IDH2: variants seen among roughly 807,000 people sequenced by gnomAD.
IDH2 encodes isocitrate dehydrogenase [NADP], mitochondrial.
Under a neutral mutation model 50.5 loss-of-function variants are expected in IDH2, and 18 were observed. That is an observed-to-expected ratio of 0.36 (90% CI 0.25 to 0.53). IDH2 has a LOEUF of 0.53. IDH2 is among the 20% of genes least tolerant of loss of function. The pLI, the probability that IDH2 is intolerant of heterozygous loss-of-function variation, is 0.92. For missense variants in IDH2, 518 were observed against 610.7 expected (o/e 0.85, Z 1.60); for synonymous variants, 280 against 239.8 (o/e 1.17, Z -1.55).
chr15:90,086,368 A>G (rs1900859014), intron 7 of IDH2, among the ~76,000 whole-genome samples: 1 of 151,992 alleles, frequency 6.6e-6, no homozygotes, highest in Admixed American at 6.6e-5. Context: ...TTCTTCTCTA[A>G]TGGTCTCACC....
At chr15:90,097,704 T>G (rs1901218437) in intron 1 of IDH2, among the ~76,000 whole-genome samples, 1 of 151,690 alleles carries the variant, frequency 6.6e-6, no homozygotes, top group Admixed American at 6.6e-5. Context: ...GGGTAGAGAG[T>G]TTCGGTTTTG....
At position 90,102,365 on chromosome 15, in the gene IDH2, C is replaced by T. The variant is rs2151558074; in HGVS notation, c.26G>A (p.Arg9His). The T allele has an allele frequency of 2.2e-6, 3 of 1,363,508 alleles. No homozygotes were observed. The highest frequency in any genetic ancestry group is 2.6e-5 in the Admixed American group (1 of 38,274). The allele number at this position is 1,363,508 out of a possible 1,614,324, so 84.5% of individuals were successfully genotyped here. ...CGAGCCTGAGGCTCTGCAGAGCGAG[C>T]GCACGACCCGCAGGTAGCCGGCCAT... Reference protein sequence around the residue: MAGYLRVVRSLCRASGSRP... With the variant: MAGYLRVVHSLCRASGSRP... The change falls in exon 1 of 11, where the codon CGC (arginine) becomes CAC (histidine). Residue 9 changes from arginine to histidine, a missense_variant. Arg to His is a conservative substitution (Grantham distance 29). Coordinates refer to ENST00000330062, the MANE Select transcript of IDH2 (RefSeq NM_002168.4).
At position 90,087,433 on chromosome 15, in the gene IDH2, C is replaced by T; in HGVS notation, c.815+6G>A. The T allele has an allele frequency of 6.2e-7, 1 of 1,614,130 alleles. No homozygotes were observed. The highest frequency in any genetic ancestry group is 1.3e-5 in the African/African-American group (1 of 75,058). On this transcript the variant is annotated splice_donor_region_variant and intron_variant, in intron 6 of 10. Transcript: ENST00000330062. ...AAGGCCACAGAGTACATGGATGAGG[C>T]TTTACTTGTCAAAGATCTCCTGGAA...
intron 1 of IDH2, among the ~76,000 whole-genome samples, chr15:90,099,328 C>T (rs1208998238): frequency 2.0e-5 from 3 of 152,182 alleles, no homozygotes; most frequent in Admixed American, 6.5e-5. Flanking sequence ...TTGGCACCTG[C>T]GAGTCCCTCT....
At chr15:90,093,526 A>G (rs1304897942) in intron 1 of IDH2, among the ~76,000 whole-genome samples, 1 of 152,234 alleles carries the variant, frequency 6.6e-6, no homozygotes, top group Admixed American at 6.5e-5. Context: ...CTTACAGTGT[A>G]CCAATGCTGT....
At chr15:90,091,670 C>T (rs751961843) in intron 1 of IDH2, 26 bp from the exon 2 acceptor site, 2 of 1,598,232 alleles carry the variant, frequency 1.3e-6, no homozygotes, top group Non-Finnish European at 1.7e-6. Flanking sequence ...CACAGCGCAT[C>T]ATGCCCCTGG....
Position 90,084,887 on chromosome 15 carries a change from C to T in IDH2, c.1200G>A (p.Lys400=), listed in dbSNP as rs754284825. ...CACTCTCCACCGTCTCCACGCACAC[C>T]TTCTCCAGCATCTGGGCAAACCTAT... is the stretch of plus-strand genomic sequence containing the variant. The part of the protein sequence containing the change: ...DLIRFAQMLE[K]VCVETVESGA... The change falls in exon 10 of 11, where the codon AAG becomes AAA. Residue 400 remains lysine, a synonymous_variant. Transcript: ENST00000330062. The surrounding 1 kb of genome is among the most constrained non-coding windows in gnomAD (Gnocchi z 5.0). The T allele has an allele frequency of 1.2e-6, 2 of 1,614,104 alleles. No individual in the cohort carries two copies. The highest frequency in any genetic ancestry group is 2.2e-5 in the South Asian group (2 of 91,086).
In IDH2 at chr15:90,087,137, A is replaced by G. The variant is rs142721369; in HGVS notation, c.942T>C (p.Asp314=). ...CCTGGGCCAGGATGTCTGACTGCAC[A>G]TCTCCGTCATAGTTCTTGCAGGCCC... ...FVWACKNYDG[D]VQSDILAQGF... is the part of the protein sequence containing the mutation. The change falls in exon 7 of 11, where the codon GAT becomes GAC. Residue 314 remains aspartate (D), a synonymous_variant. Transcript: ENST00000330062. The G allele has an allele frequency of 1.1e-4, 179 of 1,614,012 alleles. No individual in the cohort carries two copies. The highest frequency in any genetic ancestry group is 9.2e-4 in the Admixed American group (55 of 59,872).
rs1900804332 is a variant in IDH2 at position 90,084,443 on chromosome 15, G to A, written c.1272-90C>T. 2.5e-6 allele frequency: 3 copies of A among 1,221,284 alleles called. No homozygotes were observed. The highest frequency in any genetic ancestry group is 3.5e-6 in the Non-Finnish European group (3 of 847,698). The allele number at this position is 1,221,284 out of a possible 1,614,324, so 75.7% of individuals were successfully genotyped here. ...CCTTCCAGGGAACAGCCTGAGCTTG[G>A]GCATCAGAACAGCCATCTCCTGCCA... On this transcript the variant is annotated intron_variant, in intron 10 of 10. Transcript: ENST00000330062. This position sits in a 1 kb window ranked among gnomAD's most constrained non-coding sequence, Gnocchi z 5.0.
chr15:90,097,310 C>A (rs1214124490), intron 1 of IDH2, among the ~76,000 whole-genome samples: 5 of 152,198 alleles, frequency 3.3e-5, no homozygotes, highest in Non-Finnish European at 7.3e-5. Context: ...TATTGCTAAT[C>A]TCTTACTGTT....
intron 1 of IDH2, among the ~76,000 whole-genome samples, chr15:90,096,301 AT>A (rs1374675053): frequency 1.3e-5 from 2 of 152,148 alleles, no homozygotes; most frequent in Non-Finnish European, 2.9e-5. Flanking sequence ...CCATCTCAAA[AT>A]AAATAAATAA....
intron 3 of IDH2, among the ~76,000 whole-genome samples, chr15:90,090,187 G>A (rs1900995292): frequency 6.6e-6 from 1 of 152,186 alleles, no homozygotes; most frequent in African/African-American, 2.4e-5. Context: ...GGAAGACATG[G>A]ATTCTGTTCT....
At chr15:90,097,979 G>T (rs560282051) in intron 1 of IDH2, among the ~76,000 whole-genome samples, 78 of 152,310 alleles carry the variant, frequency 5.1e-4, no homozygotes, top group African/African-American at 1.8e-3. Flanking sequence ...GTGCCCTCCA[G>T]TGTGGCCCAG....
At chr15:90,091,738 T>C (rs1048079611) in intron 1 of IDH2, 94 bp from the exon 2 acceptor site, 1 of 1,027,534 alleles carries the variant, frequency 9.7e-7, no homozygotes, top group Admixed American at 1.7e-5. Flanking sequence ...CAGGAGACAG[T>C]GGCAGAAAGC....
Position 90,085,151 on chromosome 15 carries a change from C to T in IDH2, c.1081-53G>A. ...AGAGCCGAGCCAGCTAGTGAGGAGGCTGCCCAGATACAGCTGCCCGCCCCT... is the reference window on the plus strand; with the variant it reads ...AGAGCCGAGCCAGCTAGTGAGGAGGTTGCCCAGATACAGCTGCCCGCCCCT... On this transcript the variant is annotated intron_variant, in intron 8 of 10. Transcript: ENST00000330062. This position sits in a 1 kb window ranked among gnomAD's most constrained non-coding sequence, Gnocchi z 5.5. 2 of 1,579,010 alleles carry T rather than the reference C, an allele frequency of 1.3e-6. No individual in the cohort carries two copies. Among genetic ancestry groups the T allele is most frequent in the East Asian group, 2.2e-5 (1 of 44,672 alleles).
Position 90,084,727 on chromosome 15 carries a change from A to G in IDH2, c.1271+89T>C, listed in dbSNP as rs917912257. The stretch of plus-strand genomic sequence containing the variant: ...TCCTGCCCCAGGCCCCCTTGCAGCT[A>G]AGCTGACTCATGAGGGGGACTTTAG... On this transcript the variant is annotated intron_variant, in intron 10 of 10. Coordinates refer to ENST00000330062, the MANE Select transcript of IDH2 (RefSeq NM_002168.4). The surrounding 1 kb of genome is among the most constrained non-coding windows in gnomAD (Gnocchi z 5.0). 1.9e-6 allele frequency: 2 copies of G among 1,067,996 alleles called. No homozygotes were observed. The highest frequency in any genetic ancestry group is 3.1e-5 in the African/African-American group (2 of 64,822). 66.2% of individuals were successfully genotyped at this position (1,067,996 alleles called of 1,614,324 possible). A position where few individuals can be genotyped will look rare whatever the true frequency, so the allele number is the denominator to read the frequency against.
At position 90,084,397 on chromosome 15, in the gene IDH2, T is replaced by C; in HGVS notation, c.1272-44A>G. ...TCACATCAGGGGTGGCTCCAGGCCT[T>C]GCCAAGGCCATCAGCCAGGCCCTTC... On this transcript the variant is annotated intron_variant, in intron 10 of 10. Transcript: ENST00000330062. This position sits in a 1 kb window ranked among gnomAD's most constrained non-coding sequence, Gnocchi z 5.0. 6.4e-7 allele frequency: 1 copy of C among 1,561,748 alleles called. No individual in the cohort carries two copies. The highest frequency in any genetic ancestry group is 1.7e-4 in the Middle Eastern group (1 of 5,928).
At chr15:90,101,832 A>G (rs1159101442) in intron 1 of IDH2, among the ~76,000 whole-genome samples, 1 of 151,736 alleles carries the variant, frequency 6.6e-6, no homozygotes. Context: ...CCCGCCTCCC[A>G]GCCTTTGTCT....
At chr15:90,101,325 C>T (rs891360916) in intron 1 of IDH2, among the ~76,000 whole-genome samples, 1 of 152,192 alleles carries the variant, frequency 6.6e-6, no homozygotes, top group South Asian at 2.1e-4. Context: ...TCCATGGCAA[C>T]AGGCATTAGG....
Sources: allele counts gnomAD v4.1 joint callset (sites outside exome capture counted in the v4.1 genomes callset), GRCh38; gene constraint gnomAD v4.1.1; non-coding constraint Gnocchi (gnomAD v3.1); transcripts MANE v1.5; gene names NCBI Gene and HGNC (gene_info 2026-07-23, HGNC 2026-07-21).